Variants in RBFOX1 observed in about 807,000 individuals in gnomAD.
RBFOX1 encodes the protein RNA binding protein fox-1 homolog 1.
In RBFOX1, 8 loss-of-function variants were observed where a neutral mutation model predicts 57.7. That is an observed-to-expected ratio of 0.14 (90% CI 0.08 to 0.25). RBFOX1 has a LOEUF of 0.25. Ranked by LOEUF, RBFOX1 falls within the 10% of genes least tolerant of loss-of-function variation. The pLI is 1.00. For missense variants in RBFOX1, 611 were observed against 548.5 expected, an observed-to-expected ratio of 1.11 and a Z score of -1.14; for synonymous variants, 326 against 222.4, an observed-to-expected ratio of 1.47 and a Z score of -4.15.
At chr16:6,838,259 A>C (rs908104568) in intron 3 of RBFOX1, among the ~76,000 whole-genome samples, 1 of 151,636 alleles carries the variant, frequency 6.6e-6, no homozygotes, top group Non-Finnish European at 1.5e-5. Flanking sequence ...TCTGCCACTT[A>C]AGAGTGAGAA....
chr16:5,751,580 A>C (rs888407416), intron 3 of RBFOX1, among the ~76,000 whole-genome samples: 1 of 152,176 alleles, frequency 6.6e-6, no homozygotes, highest in Admixed American at 6.5e-5. Context: ...CAGAGAGGGC[A>C]AGGAAGCCAC....
At chr16:6,429,321 C>G (rs901317891) in intron 2 of RBFOX1, among the ~76,000 whole-genome samples, 1 of 152,254 alleles carries the variant, frequency 6.6e-6, no homozygotes, top group Non-Finnish European at 1.5e-5. Context: ...CTCCCCACCA[C>G]TGCTGCTGCA....
chr16:5,851,978 G>A lies in RBFOX1; in HGVS notation c.319-15325G>A, dbSNP rs942702143. 5.9e-5 allele frequency among the ~76,000 whole-genome samples: 9 copies of A among 152,296 alleles called. No homozygotes were observed. In the South Asian group the frequency reaches 1.2e-3, roughly 21 times the overall value. On this transcript the variant is annotated intron_variant, in intron 3 of 19. Transcript: ENST00000641259. ...CCAGCCCACCACTTACGAGCCATATGAGTTAGGGCTGTTTCCCTTCTCTGT... is the reference window on the plus strand; with the variant it reads ...CCAGCCCACCACTTACGAGCCATATAAGTTAGGGCTGTTTCCCTTCTCTGT...
chr16:6,966,773 ATCTATCTATCTATCTATCTG>A (rs1254595243), intron 3 of RBFOX1, among the ~76,000 whole-genome samples: 295 of 23,842 alleles, frequency 0.012, 3 homozygotes, highest in African/African-American at 0.026. Flanking sequence ...CTATCTATCT[ATCTATCTATCTATCTATCTG>A]TCTGTCTGTC....
intron 3 of RBFOX1, among the ~76,000 whole-genome samples, chr16:5,767,261 C>T (rs1417368622): frequency 1.3e-5 from 2 of 152,210 alleles, no homozygotes; most frequent in African/African-American, 4.8e-5. Flanking sequence ...GTGTTATTTT[C>T]CTGACTTCAG....
chr16:7,664,728 C>G (rs2068727467), intron 12 of RBFOX1: 1 of 843,772 alleles, frequency 1.2e-6, no homozygotes, highest in Non-Finnish European at 1.8e-6. Context: ...TAATTCTGGG[C>G]CAACACCAAA....
At chr16:6,419,947 C>A (rs12444271) in intron 2 of RBFOX1, among the ~76,000 whole-genome samples, 8 of 151,958 alleles carry the variant, frequency 5.3e-5, no homozygotes, top group Admixed American at 2.0e-4. Flanking sequence ...TGCTGCAGGC[C>A]CCCCCATCCC....
chr16:6,253,699 G>GTATA (rs373756943), intron 1 of RBFOX1, among the ~76,000 whole-genome samples: 54 of 142,488 alleles, frequency 3.8e-4, no homozygotes, highest in South Asian at 2.5e-3. Context: ...GTGTGTGTGT[G>GTATA]TATATATATA....
chr16:6,744,897 G>A (rs1219125484), intron 3 of RBFOX1, among the ~76,000 whole-genome samples: 2 of 152,004 alleles, frequency 1.3e-5, no homozygotes, highest in African/African-American at 4.8e-5. Flanking sequence ...GAAACCAAAA[G>A]CTGGTGTTTT....
At chr16:6,394,013 A>G (rs928130025) in intron 2 of RBFOX1, among the ~76,000 whole-genome samples, 1 of 152,144 alleles carries the variant, frequency 6.6e-6, no homozygotes, top group South Asian at 2.1e-4. Context: ...AACTGTTTAG[A>G]AGACTATACT....
chr16:6,813,455 C>G (rs764780019), intron 3 of RBFOX1, among the ~76,000 whole-genome samples: 1 of 152,074 alleles, frequency 6.6e-6, no homozygotes, highest in Non-Finnish European at 1.5e-5. Context: ...GACCCCAGCT[C>G]CTTCTTAGGT....
intron 1 of RBFOX1, among the ~76,000 whole-genome samples, chr16:6,184,750 G>A (rs1033963800): frequency 3.3e-5 from 5 of 149,606 alleles, no homozygotes; most frequent in Non-Finnish European, 7.4e-5. Context: ...TGTATTTTTA[G>A]TAGAGACGGG....
intron 2 of RBFOX1, among the ~76,000 whole-genome samples, chr16:6,478,416 TATATATA>T (rs1567368690): frequency 2.6e-3 from 64 of 24,750 alleles, no homozygotes; most frequent in Non-Finnish European, 3.6e-3. Flanking sequence ...TATATATATA[TATATATA>T]TATATATTTT....
intron 1 of RBFOX1, among the ~76,000 whole-genome samples, chr16:6,298,698 A>T (rs1039965750): frequency 6.6e-5 from 10 of 152,214 alleles, no homozygotes; most frequent in African/African-American, 2.2e-4. Context: ...TTAATTTACC[A>T]AGCAGTGTTC....
downstream of RBFOX1, among the ~76,000 whole-genome samples, chr16:5,600,781 G>T (rs2047340757): frequency 6.6e-6 from 1 of 152,106 alleles, no homozygotes; most frequent in Admixed American, 6.6e-5. Flanking sequence ...AGGAAGAAGA[G>T]GAAAGGGATG....
chr16:5,600,934 A>G (rs1025269374), downstream of RBFOX1, among the ~76,000 whole-genome samples: 1 of 152,190 alleles, frequency 6.6e-6, no homozygotes, highest in Non-Finnish European at 1.5e-5. Context: ...TTAGGAAACC[A>G]AAACTCAAAG....
At chr16:6,486,223 C>G (rs942478118) in intron 2 of RBFOX1, among the ~76,000 whole-genome samples, 1 of 151,308 alleles carries the variant, frequency 6.6e-6, no homozygotes, top group Non-Finnish European at 1.5e-5. Context: ...GTACACACTC[C>G]TCATTGTTGT....
intron 4 of RBFOX1, among the ~76,000 whole-genome samples, chr16:5,917,940 C>G (rs1476052353): frequency 1.3e-5 from 2 of 152,124 alleles, no homozygotes; most frequent in Non-Finnish European, 2.9e-5. Context: ...GATCCTCTCT[C>G]TCCCACACGG....
chr16:5,680,939 A>G (rs1334429306), intron 3 of RBFOX1, among the ~76,000 whole-genome samples: 1 of 151,980 alleles, frequency 6.6e-6, no homozygotes, highest in Non-Finnish European at 1.5e-5. Flanking sequence ...GGGGTGCAGC[A>G]GCTATAAAAT....
Sources: gnomAD v4.1 joint callset for allele counts (sites outside exome capture counted in the v4.1 genomes callset) on GRCh38, gnomAD v4.1.1 for gene constraint, MANE v1.5 for transcripts, NCBI Gene and HGNC (gene_info 2026-07-23, HGNC 2026-07-21) for gene names.